The following TGFBR2 variants were observed in gnomAD, a reference collection of about 807,000 sequenced individuals.
The protein encoded by TGFBR2 is TGF-beta receptor type-2.
TGFBR2 carries 18 observed loss-of-function variants against 49.0 expected under a neutral mutation model. That is an observed-to-expected ratio of 0.37 (90% CI 0.25 to 0.54). The LOEUF is 0.54. TGFBR2 is among the 20% of genes least tolerant of loss of function. The pLI, the probability that TGFBR2 is intolerant of heterozygous loss-of-function variation, is 0.85. For synonymous variants in TGFBR2, 282 were observed against 275.9 expected (o/e 1.02, Z -0.22); for missense variants, 525 against 722.6 (o/e 0.73, Z 3.13).
At chr3:30,648,422 A>ACC (rs1423813131) in intron 2 of TGFBR2, among the ~76,000 whole-genome samples, 2 of 78,846 alleles carry the variant, frequency 2.5e-5, no homozygotes, top group African/African-American at 1.4e-4. Context: ...AACAACCTAC[A>ACC]CACACACACA....
At chr3:30,620,794 G>A (rs1038829927) in intron 1 of TGFBR2, among the ~76,000 whole-genome samples, 1 of 152,106 alleles carries the variant, frequency 6.6e-6, no homozygotes, top group African/African-American at 2.4e-5. Context: ...TGGGATTGCT[G>A]GAATAGGGAT....
rs74425972 is a variant in TGFBR2 at position 30,646,694 on chromosome 3, T to C, written c.263+1779T>C. Among the ~76,000 whole-genome samples, 984 of 152,216 alleles carry C rather than the reference T, an allele frequency of 6.5e-3. 32 individuals are homozygous for C. The East Asian group carries it at 0.098, about 15-fold the overall frequency. ...AGAGGCTGGATGACCATATGTCAAATAGAATGCAGGAAAGATTGAGACACC... is the reference window on the plus strand; with the variant it reads ...AGAGGCTGGATGACCATATGTCAAACAGAATGCAGGAAAGATTGAGACACC... On this transcript the variant is annotated intron_variant, in intron 2 of 6. Transcript: ENST00000295754.
intron 1 of TGFBR2, among the ~76,000 whole-genome samples, chr3:30,624,349 G>A (rs1698290281): frequency 6.6e-6 from 1 of 152,106 alleles, no homozygotes; most frequent in South Asian, 2.1e-4. Context: ...CAGGCACGGT[G>A]GCTCACACCT....
At chr3:30,655,381 T>C (rs559414224) in intron 3 of TGFBR2, among the ~76,000 whole-genome samples, 37 of 152,200 alleles carry the variant, frequency 2.4e-4, no homozygotes, top group South Asian at 2.1e-4. Flanking sequence ...CTTTAATCCC[T>C]GTTTCATCCA....
In TGFBR2 at chr3:30,685,687, A is replaced by C. The variant is rs565661706; in HGVS notation, c.1397-2697A>C. Among the ~76,000 whole-genome samples the C allele has an allele frequency of 2.6e-5, 4 of 152,262 alleles. No individual in the cohort carries two copies. In the South Asian group the frequency reaches 8.3e-4, roughly 32 times the overall value. On this transcript the variant is annotated intron_variant, in intron 5 of 6. Transcript: ENST00000295754. ...TCATCGGCTATACGCTGCCTCTGAGAGTAAGGCGGTCATGTCCACGAATCT... is the reference window on the plus strand; with the variant it reads ...TCATCGGCTATACGCTGCCTCTGAGCGTAAGGCGGTCATGTCCACGAATCT...
At chr3:30,644,940 T>C in intron 2 of TGFBR2, 25 bp downstream of exon 2, 1 of 1,603,848 alleles carries the variant, frequency 6.2e-7, no homozygotes, top group East Asian at 2.2e-5. Flanking sequence ...TAAGAAGTTA[T>C]TCTTTCTTTT....
At chr3:30,635,553 G>A (rs1698511807) in intron 1 of TGFBR2, among the ~76,000 whole-genome samples, 1 of 152,126 alleles carries the variant, frequency 6.6e-6, no homozygotes, top group Non-Finnish European at 1.5e-5. Context: ...ACTGGAGAAA[G>A]CCAATTATTT....
At chr3:30,678,812 G>A (rs2043136) in intron 5 of TGFBR2, among the ~76,000 whole-genome samples, 111,114 of 152,034 alleles carry the variant, frequency 0.73, 40,774 homozygotes, top group Admixed American at 0.81. Flanking sequence ...TCTGTTCCCA[G>A]TTGTTAATGA....
intron 3 of TGFBR2, among the ~76,000 whole-genome samples, chr3:30,663,100 T>A (rs1269974095): frequency 4.6e-5 from 7 of 152,130 alleles, no homozygotes; most frequent in African/African-American, 1.7e-4. Flanking sequence ...CAACAAAATT[T>A]TTAAAGGTAC....
intron 1 of TGFBR2, among the ~76,000 whole-genome samples, chr3:30,619,309 C>T (rs1360675506): frequency 6.6e-6 from 1 of 152,122 alleles, no homozygotes; most frequent in Non-Finnish European, 1.5e-5. Context: ...TTATGGACAC[C>T]CTTTGTTCTT....
At chr3:30,607,162 AAG>A (rs1162329291) in intron 1 of TGFBR2, among the ~76,000 whole-genome samples, 185 bp downstream of exon 1, 2 of 152,154 alleles carry the variant, frequency 1.3e-5, no homozygotes, top group Non-Finnish European at 2.9e-5. Context: ...TTTCTTGAAA[AAG>A]AGAAGGAAAG....
At chr3:30,647,560 TTTCA>T (rs139204908) in intron 2 of TGFBR2, among the ~76,000 whole-genome samples, 57,536 of 151,278 alleles carry the variant, frequency 0.38, 11,370 homozygotes, top group African/African-American at 0.49. Context: ...TTTAGTGTTT[TTTCA>T]TTCATTCATT....
At chr3:30,685,758 G>A (rs1285628748) in intron 5 of TGFBR2, among the ~76,000 whole-genome samples, 1 of 152,188 alleles carries the variant, frequency 6.6e-6, no homozygotes, top group Non-Finnish European at 1.5e-5. Context: ...CCCCAGAAAA[G>A]GGTGAAGGTG....
intron 3 of TGFBR2, among the ~76,000 whole-genome samples, chr3:30,669,121 C>CAAAAAAAAAAAAAAA (rs56069409): frequency 2.3e-4 from 19 of 83,476 alleles, no homozygotes; most frequent in African/African-American, 9.3e-4. Context: ...ACTAAAAATA[C>CAAAAAAAAAAAAAAA]AAAAAAAAAA....
chr3:30,683,622 G>A (rs1317946192), intron 5 of TGFBR2, among the ~76,000 whole-genome samples: 1 of 152,164 alleles, frequency 6.6e-6, no homozygotes, highest in East Asian at 1.9e-4. Context: ...ATACATATTT[G>A]TTTAGTCATT....
chr3:30,664,163 T>A (rs78982591), intron 3 of TGFBR2, among the ~76,000 whole-genome samples: 43 of 151,620 alleles, frequency 2.8e-4, no homozygotes, highest in African/African-American at 7.0e-4. Context: ...TTTTTTTTTT[T>A]TATACAGACA....
At position 30,681,160 on chromosome 3, in the gene TGFBR2, G is replaced by GGAAAAAAAA. The variant is rs1553631102; in HGVS notation, c.1396+6914_1396+6915insGAAAAAAAA. On this transcript the variant is annotated intron_variant, in intron 5 of 6. Coordinates refer to ENST00000295754, the MANE Select transcript of TGFBR2 (RefSeq NM_003242.6). The stretch of plus-strand genomic sequence containing the variant: ...TCAAGTTGCTGCAGCCTTGTGAGAT[G>GGAAAAAAAA]AAAAAAAAAAAAAAAAAAAAAGTGC... Among the ~76,000 whole-genome samples the GGAAAAAAAA allele has an allele frequency of 2.4e-5, 2 of 83,004 alleles. 1 individual carries two copies. Among genetic ancestry groups the GGAAAAAAAA allele is most frequent in the African/African-American group, 9.9e-5 (2 of 20,268 alleles). The allele number at this position is 83,004 out of a possible 152,430, so 54.5% of individuals were successfully genotyped here.
intron 1 of TGFBR2, chr3:30,623,378 C>G: frequency 7.1e-7 from 1 of 1,399,898 alleles, no homozygotes; most frequent in South Asian, 1.2e-5. Context: ...ATAGTCTCCT[C>G]GTATTTTCAT....
chr3:30,687,735 T>C (rs1369917443), intron 5 of TGFBR2, among the ~76,000 whole-genome samples: 1 of 152,204 alleles, frequency 6.6e-6, no homozygotes, highest in Non-Finnish European at 1.5e-5. Context: ...GGATAACTTT[T>C]CGTACCCTTT....
Sources: allele counts gnomAD v4.1 joint callset (sites outside exome capture counted in the v4.1 genomes callset), GRCh38; gene constraint gnomAD v4.1.1; transcripts MANE v1.5; gene names NCBI Gene and HGNC (gene_info 2026-07-23, HGNC 2026-07-21).